Variants in TMEM163 observed in about 807,000 individuals in gnomAD.
TMEM163 encodes transmembrane protein 163.
A neutral mutation model predicts 29.3 loss-of-function variants in TMEM163; 17 were observed. The observed-to-expected ratio is 0.58, with a 90% CI of 0.40 to 0.87. The LOEUF (loss-of-function observed/expected upper bound fraction) is 0.87, where lower values mean the gene tolerates loss of function less well. TMEM163 is among the 40% of genes least tolerant of loss of function. The probability of loss-of-function intolerance (pLI) is 0.00; values close to 1 mark genes in which losing one functional copy is unlikely to be tolerated. For synonymous variants in TMEM163, 157 were observed against 160.6 expected (o/e 0.98, Z 0.17); for missense variants, 303 against 381.5 (o/e 0.79, Z 1.71).
At chr2:134,505,866 T>C (rs1679812367) in intron 4 of TMEM163, among the ~76,000 whole-genome samples, 1 of 152,170 alleles carries the variant, frequency 6.6e-6, no homozygotes, top group South Asian at 2.1e-4. Flanking sequence ...TACTCAAAAT[T>C]ACACTATAAA....
intron 4 of TMEM163, among the ~76,000 whole-genome samples, chr2:134,511,591 G>A (rs1039677904): frequency 6.6e-6 from 1 of 152,222 alleles, no homozygotes; most frequent in Non-Finnish European, 1.5e-5. Flanking sequence ...CAAGGCAGGA[G>A]AAGCGGCAGC....
chr2:134,497,927 G>A (rs547409824), intron 5 of TMEM163, among the ~76,000 whole-genome samples: 2 of 152,162 alleles, frequency 1.3e-5, no homozygotes, highest in South Asian at 2.1e-4. Context: ...ATGTTGAGAT[G>A]GTGCTCAGGA....
intron 2 of TMEM163, among the ~76,000 whole-genome samples, chr2:134,629,077 G>T (rs1682914533): frequency 6.6e-6 from 1 of 152,146 alleles, no homozygotes; most frequent in Non-Finnish European, 1.5e-5. Context: ...GATGCGCCAG[G>T]TCTTACCTAA....
chr2:134,544,975 T>C lies in TMEM163; in HGVS notation c.458+5595A>G, dbSNP rs1358225264. Among the ~76,000 whole-genome samples, 4 of 152,080 alleles carry C rather than the reference T, an allele frequency of 2.6e-5. 1 individual carries two copies. The highest frequency in any genetic ancestry group is 1.9e-4 in the East Asian group (1 of 5,184). On this transcript the variant is annotated intron_variant, in intron 4 of 7. Transcript: ENST00000281924. The stretch of plus-strand genomic sequence containing the variant: ...TAAAATGTGTCCCCTCCTTCCTCTG[T>C]CCCCAGCCCCCTCCTGGAGGGGAGG...
chr2:134,710,412 T>C (rs1330735413), intron 2 of TMEM163, among the ~76,000 whole-genome samples: 1 of 152,068 alleles, frequency 6.6e-6, no homozygotes, highest in Non-Finnish European at 1.5e-5. Flanking sequence ...TCAGTAACTA[T>C]GATTAAATAA....
At chr2:134,601,373 G>A (rs1487751473) in intron 2 of TMEM163, among the ~76,000 whole-genome samples, 2 of 152,152 alleles carry the variant, frequency 1.3e-5, no homozygotes, top group Non-Finnish European at 2.9e-5. Context: ...AGAAACGATC[G>A]TGGGATCGGA....
chr2:134,592,859 TATTAATATAG>T (rs1329940943), intron 2 of TMEM163, among the ~76,000 whole-genome samples: 18 of 46,642 alleles, frequency 3.9e-4, no homozygotes, highest in South Asian at 1.4e-3. Context: ...GAGATACAGA[TATTAATATAG>T]AGATAGATAG....
intron 2 of TMEM163, among the ~76,000 whole-genome samples, chr2:134,704,474 G>A (rs549563287): frequency 1.9e-4 from 29 of 152,222 alleles, no homozygotes; most frequent in African/African-American, 6.5e-4. Context: ...TTCCAGGTCC[G>A]TGTGGGACAA....
At chr2:134,715,070 A>G (rs904319931) in intron 1 of TMEM163, among the ~76,000 whole-genome samples, 4 of 152,220 alleles carry the variant, frequency 2.6e-5, no homozygotes, top group African/African-American at 7.2e-5. Context: ...TACTGGCTCA[A>G]ATAAGCAGTT....
At chr2:134,585,438 T>C (rs1469043237) in intron 2 of TMEM163, among the ~76,000 whole-genome samples, 1 of 152,162 alleles carries the variant, frequency 6.6e-6, no homozygotes, top group African/African-American at 2.4e-5. Context: ...TCAAATGAGT[T>C]AATACATTAA....
chr2:134,576,593 A>G (rs1206841200), intron 2 of TMEM163, among the ~76,000 whole-genome samples: 1 of 152,196 alleles, frequency 6.6e-6, no homozygotes, highest in Non-Finnish European at 1.5e-5. Context: ...AAGGTCTCCC[A>G]CACAAAAAGG....
intron 2 of TMEM163, among the ~76,000 whole-genome samples, chr2:134,710,180 A>C (rs1190871078): frequency 6.6e-6 from 1 of 152,208 alleles, no homozygotes; most frequent in Non-Finnish European, 1.5e-5. Flanking sequence ...AGACTGTGTC[A>C]AAAGCGCGTC....
intron 7 of TMEM163, among the ~76,000 whole-genome samples, chr2:134,457,353 C>A (rs570561222): frequency 2.0e-5 from 3 of 152,322 alleles, no homozygotes; most frequent in Admixed American, 6.5e-5. Flanking sequence ...CATGGCAGCA[C>A]CATCGTCCAT....
intron 5 of TMEM163, among the ~76,000 whole-genome samples, chr2:134,498,184 G>A: frequency 6.6e-6 from 1 of 152,072 alleles, no homozygotes; most frequent in East Asian, 1.9e-4. Context: ...GGTAAGAAAA[G>A]GTAGAGAGCG....
At chr2:134,484,050 G>A (rs1388768802) in intron 5 of TMEM163, among the ~76,000 whole-genome samples, 2 of 152,134 alleles carry the variant, frequency 1.3e-5, no homozygotes, top group Admixed American at 1.3e-4. Context: ...GTTGAGGCAG[G>A]AGAATCCCTT....
chr2:134,633,434 G>C (rs1376306121), intron 2 of TMEM163, among the ~76,000 whole-genome samples: 2 of 152,086 alleles, frequency 1.3e-5, no homozygotes, highest in Admixed American at 1.3e-4. Flanking sequence ...GAAACCCTGA[G>C]GCGAGAGGAA....
At chr2:134,594,873 C>T (rs1682030404) in intron 2 of TMEM163, among the ~76,000 whole-genome samples, 1 of 151,772 alleles carries the variant, frequency 6.6e-6, no homozygotes, top group Non-Finnish European at 1.5e-5. Context: ...CTCTCTCTCT[C>T]TCTCTCTCTA....
intron 4 of TMEM163, among the ~76,000 whole-genome samples, chr2:134,524,097 C>A (rs1305719123): frequency 6.6e-6 from 1 of 152,188 alleles, no homozygotes; most frequent in African/African-American, 2.4e-5. Flanking sequence ...CGACATAACC[C>A]AGGATCTCAG....
At chr2:134,623,324 T>A (rs1417561865) in intron 2 of TMEM163, among the ~76,000 whole-genome samples, 1 of 152,132 alleles carries the variant, frequency 6.6e-6, no homozygotes, top group African/African-American at 2.4e-5. Flanking sequence ...ACATACCCAA[T>A]CTTATACTTG....
Sources: allele counts gnomAD v4.1 joint callset (sites outside exome capture counted in the v4.1 genomes callset), GRCh38; gene constraint gnomAD v4.1.1; transcripts MANE v1.5; gene names NCBI Gene and HGNC (gene_info 2026-07-23, HGNC 2026-07-21).